The following IGFN1 variants were observed in gnomAD, a reference collection of about 807,000 sequenced individuals.
The protein encoded by IGFN1 is immunoglobulin-like and fibronectin type III domain-containing protein 1.
Under a neutral mutation model 289.5 loss-of-function variants are expected in IGFN1, and 253 were observed. The ratio of observed to expected loss-of-function variants is 0.87; its 90% CI spans 0.79 to 0.97. The LOEUF (loss-of-function observed/expected upper bound fraction) is 0.97, where lower values mean the gene tolerates loss of function less well. Among genes scored for constraint, IGFN1 ranks in the 50% least tolerant of loss-of-function variants. The probability of loss-of-function intolerance (pLI) is 0.00; values close to 1 mark genes in which losing one functional copy is unlikely to be tolerated. For missense variants in IGFN1, 4,470 were observed against 4,686.1 expected (o/e 0.95, Z 1.35); for synonymous variants, 1,706 against 1,788.5 (o/e 0.95, Z 1.16).
At chr1:201,219,258 A>G (rs2102362874) in intron 18 of IGFN1, among the ~76,000 whole-genome samples, 1 of 152,326 alleles carries the variant, frequency 6.6e-6, no homozygotes. Flanking sequence ...ATATTTGCCC[A>G]TCACCTACTA....
rs749734390 is a variant in IGFN1 at position 201,211,794 on chromosome 1, G to C, written c.6901G>C (p.Glu2301Gln). Residue 2301 changes from glutamate to glutamine, a missense_variant, in exon 12 of 24, where the codon GAG becomes CAG. Transcript: ENST00000335211. ...GGSGRNPLGS[E>Q]AGSRGSLEDS... ...TTCTGGGAGGAATCCATTAGGGAGCGAGGCAGGTTCTAGGGGTAGTTTGGA... is the reference window on the plus strand; with the variant it reads ...TTCTGGGAGGAATCCATTAGGGAGCCAGGCAGGTTCTAGGGGTAGTTTGGA... 2 of 1,536,672 alleles carry C rather than the reference G, an allele frequency of 1.3e-6. No homozygotes were observed. Among genetic ancestry groups the C allele is most frequent in the African/African-American group, 1.4e-5 (1 of 72,960 alleles).
intron 4 of IGFN1, 122 bp downstream of exon 4, chr1:201,196,100 C>A: frequency 2.1e-6 from 2 of 968,938 alleles, no homozygotes; most frequent in Non-Finnish European, 2.9e-6. Context: ...AGGTTGAATC[C>A]ATTCAACTCC....
intron 7 of IGFN1, 82 bp from the exon 8 acceptor site, chr1:201,200,155 A>G: frequency 8.6e-7 from 1 of 1,158,254 alleles, no homozygotes; most frequent in Non-Finnish European, 1.2e-6. Context: ...GCTTCCCAGA[A>G]CTACTTGGGA....
intron 18 of IGFN1, among the ~76,000 whole-genome samples, chr1:201,219,500 C>G (rs919062852): frequency 6.6e-6 from 1 of 152,212 alleles, no homozygotes; most frequent in African/African-American, 2.4e-5. Context: ...GGAAAAAAAC[C>G]TGTCTAACCT....
At position 201,201,861 on chromosome 1, in the gene IGFN1, G is replaced by T. The variant is rs199736397; in HGVS notation, c.747+29G>T. ...AGGCTGGAGGGGCTATGGGTGGGGG[G>T]GATCTGGCAGGGATGCTTCAGGTCT... On this transcript the variant is annotated intron_variant, in intron 9 of 23. Coordinates refer to ENST00000335211, the MANE Select transcript of IGFN1 (RefSeq NM_001164586.2). 1,863 of 941,060 alleles carry T rather than the reference G, an allele frequency of 2.0e-3. 11 individuals carry two copies. Among genetic ancestry groups the T allele is most frequent in the South Asian group, 3.1e-3 (219 of 71,752 alleles). The allele number at this position is 941,060 out of a possible 1,614,324, so 58.3% of individuals were successfully genotyped here.
chr1:201,224,624 C>A, intron 20 of IGFN1, 55 bp from the exon 21 acceptor site: 1 of 1,498,276 alleles, frequency 6.7e-7, no homozygotes, highest in African/African-American at 1.4e-5. Context: ...ATGCCATCAC[C>A]TCCATGAAAC....
At chr1:201,205,486 A>C in intron 11 of IGFN1, 132 bp downstream of exon 11, 1 of 1,052,536 alleles carries the variant, frequency 9.5e-7, no homozygotes, top group Non-Finnish European at 1.3e-6. Flanking sequence ...ATTATTCTCC[A>C]CCCACTGCAG....
At position 201,228,700 on chromosome 1, in the gene IGFN1, C is replaced by A. The variant is rs936880156; in HGVS notation, c.*301C>A. 2.0e-5 allele frequency: 9 copies of A among 457,004 alleles called. No homozygotes were observed. In the South Asian group the frequency reaches 2.1e-4, roughly 10 times the overall value. The allele number at this position is 457,004 out of a possible 1,614,324, so 28.3% of individuals were successfully genotyped here. On this transcript the variant is annotated 3_prime_UTR_variant, in exon 24 of 24. Coordinates refer to ENST00000335211, the MANE Select transcript of IGFN1 (RefSeq NM_001164586.2). ...TTCGCTTCAGGAGATCCAGAGGGCA[C>A]CTGCCTGCAGGATGGGCCGGCTCCT...
At chr1:201,215,466 C>T in intron 14 of IGFN1, 73 bp from the exon 15 acceptor site, 2 of 1,374,772 alleles carry the variant, frequency 1.5e-6, no homozygotes, top group Non-Finnish European at 2.0e-6. Context: ...ACTTCCTTCT[C>T]TGGGTCCTCC....
rs551932042 is a variant in IGFN1 at position 201,206,242 on chromosome 1, C to T, written c.1349C>T (p.Pro450Leu). 162 of 1,547,338 alleles carry T rather than the reference C, an allele frequency of 1.0e-4. 2 individuals carry two copies. Among genetic ancestry groups the T allele is most frequent in the Middle Eastern group, 5.0e-4 (3 of 5,966 alleles). ...PRGGSLEGAG[P>L]ASGLQHIASP... Reference sequence around the variant, plus strand: ...GGGGGCTCCCTTGAAGGGGCTGGGCCGGCTTCTGGGCTCCAGCACATAGCC... The same window carrying T: ...GGGGGCTCCCTTGAAGGGGCTGGGCTGGCTTCTGGGCTCCAGCACATAGCC... Residue 450 changes from proline to leucine, a missense_variant, in exon 12 of 24, where the codon CCG becomes CTG. This residue lies in a region of IGFN1 where 2,011 missense variants were observed against 1,953.4 expected (regional missense o/e 1.03). Coordinates refer to ENST00000335211, the MANE Select transcript of IGFN1 (RefSeq NM_001164586.2).
intron 16 of IGFN1, among the ~76,000 whole-genome samples, chr1:201,217,052 G>A (rs557620269): frequency 1.2e-4 from 19 of 152,254 alleles, no homozygotes; most frequent in Middle Eastern, 3.4e-3. Flanking sequence ...TGGAGGCTGA[G>A]GGGTCTCAGG....
Position 201,217,361 on chromosome 1 carries a change from C to A in IGFN1, c.9670C>A (p.Pro3224Thr), listed in dbSNP as rs1653380485. ...SQGITLTWTA[P>T]RGPGSAHILG... ...GGGCATCACACTGACATGGACAGCA[C>A]CTCGGGGCCCCGGCAGCGCCCACAT... The change falls in exon 17 of 24, where the codon CCT becomes ACT. Residue 3224 changes from proline to threonine, a missense_variant. Physicochemically the swap from Pro to Thr is conservative, Grantham distance 38. This residue lies in a region of IGFN1 where 2,218 missense variants were observed against 2,114.1 expected (regional missense o/e 1.05). Transcript: ENST00000335211. 6.2e-7 allele frequency: 1 copy of A among 1,614,194 alleles called. No individual in the cohort carries two copies. Among genetic ancestry groups the A allele is most frequent in the Non-Finnish European group, 8.5e-7 (1 of 1,180,028 alleles).
chr1:201,221,610 C>G lies in IGFN1; in HGVS notation c.10065C>G (p.Thr3355=). The G allele has an allele frequency of 6.2e-7, 1 of 1,614,202 alleles. No individual in the cohort carries two copies. Among genetic ancestry groups the G allele is most frequent in the Non-Finnish European group, 8.5e-7 (1 of 1,180,020 alleles). The change falls in exon 19 of 24, where the codon ACC becomes ACG. Residue 3355 remains threonine (T), a synonymous_variant. Coordinates refer to ENST00000335211, the MANE Select transcript of IGFN1 (RefSeq NM_001164586.2). The part of the protein sequence containing the change: ...SLQWLPCHVG[T]VPVTTYTAKG... ...AGTGGCTCCCGTGCCATGTGGGCAC[C>G]GTGCCAGTCACCACCTACACGGCCA...
At position 201,212,545 on chromosome 1, in the gene IGFN1, G is replaced by A. The variant is rs758015078; in HGVS notation, c.7652G>A (p.Arg2551Gln). Reference protein sequence around the residue: ...GMAALGSGYERDIWKAGPGMT... With the variant: ...GMAALGSGYEQDIWKAGPGMT... ...GCTGCTCTAGGGTCTGGATATGAAC[G>A]GGACATCTGGAAAGCAGGCCCAGGA... Residue 2551 changes from arginine to glutamine, a missense_variant, in exon 12 of 24, where the codon CGG becomes CAG. By Grantham distance (43) the Arg-to-Gln change is conservative. This residue lies in a region of IGFN1 where 2,218 missense variants were observed against 2,114.1 expected (regional missense o/e 1.05). Transcript: ENST00000335211. The A allele has an allele frequency of 1.1e-4, 165 of 1,549,304 alleles. 2 individuals carry two copies. The highest frequency in any genetic ancestry group is 8.8e-4 in the South Asian group (74 of 84,032).
intron 10 of IGFN1, among the ~76,000 whole-genome samples, chr1:201,204,432 C>G (rs1667307330): frequency 1.3e-5 from 2 of 152,204 alleles, no homozygotes; most frequent in Admixed American, 1.3e-4. Flanking sequence ...GAGCACCTGC[C>G]AGCTCAAGGG....
Position 201,207,115 on chromosome 1 carries a change from G to T in IGFN1, c.2222G>T (p.Gly741Val). 6.5e-7 allele frequency: 1 copy of T among 1,537,064 alleles called. No individual in the cohort carries two copies. Among genetic ancestry groups the T allele is most frequent in the Non-Finnish European group, 8.7e-7 (1 of 1,146,872 alleles). Reference protein sequence around the residue: ...SISGGRKFLLGDGSPEIKAED... With the variant: ...SISGGRKFLLVDGSPEIKAED... ...TCAGGTGGTAGAAAATTCCTTCTGG[G>T]AGATGGGAGTCCTGAGATCAAAGCT... Residue 741 changes from glycine to valine, a missense_variant, in exon 12 of 24, where the codon GGA becomes GTA. By Grantham distance (109) the Gly-to-Val change is moderately radical. Transcript: ENST00000335211.
At position 201,205,273 on chromosome 1, in the gene IGFN1, AG is replaced by A. The variant is rs1312622268; in HGVS notation, c.1114del (p.Ala372HisfsTer86). On this transcript the variant is annotated frameshift_variant, in exon 11 of 24. Transcript: ENST00000335211. LOFTEE classifies it high-confidence loss of function. ...PDGLTHRLVV[R>X]GARFSDMGPY... is the part of the protein sequence containing the mutation. ...CGGGCTGACCCACCGGCTGGTGGTG[AG>A]GGGGGCACGTTTCTCAGACATGGGC... 6.4e-7 allele frequency: 1 copy of A among 1,550,850 alleles called. No individual in the cohort carries two copies. The highest frequency in any genetic ancestry group is 2.0e-5 in the Admixed American group (1 of 50,998).
intron 18 of IGFN1, among the ~76,000 whole-genome samples, chr1:201,220,382 A>G (rs1187720949): frequency 6.6e-6 from 1 of 152,088 alleles, no homozygotes; most frequent in Admixed American, 6.5e-5. Context: ...GTCTCACTAT[A>G]TTGCCCAGGC....
rs1406510135 is a variant in IGFN1 at position 201,203,740 on chromosome 1, T to C, written c.750T>C (p.Asp250=). ...TCCTCTTCCTTTTCTGGCCTTAGGATGGTGAGATGATCCCCTATGGCTTCA... is the reference window on the plus strand; with the variant it reads ...TCCTCTTCCTTTTCTGGCCTTAGGACGGTGAGATGATCCCCTATGGCTTCA... ...DSQSKIYLYK[D]GEMIPYGFNN... Residue 250 remains aspartate, a splice_region_variant and synonymous_variant, in exon 10 of 24, where the codon GAT becomes GAC. Transcript: ENST00000335211. 1.3e-6 allele frequency: 2 copies of C among 1,551,444 alleles called. No individual in the cohort carries two copies. The highest frequency in any genetic ancestry group is 1.7e-6 in the Non-Finnish European group (2 of 1,146,992).
Sources: allele counts gnomAD v4.1 joint callset (sites outside exome capture counted in the v4.1 genomes callset), GRCh38; gene constraint gnomAD v4.1.1; regional missense constraint gnomAD v4.1.1; transcripts MANE v1.5; gene names NCBI Gene and HGNC (gene_info 2026-07-23, HGNC 2026-07-21).